The following ITIH2 variants were observed in gnomAD, a reference collection of about 807,000 sequenced individuals.
ITIH2 encodes the protein inter-alpha-trypsin inhibitor heavy chain 2, also known as inter-alpha-trypsin inhibitor heavy chain H2.
In ITIH2, 103 loss-of-function variants were observed where a neutral mutation model predicts 104.4. The observed-to-expected ratio is 0.99, with a 90% CI of 0.84 to 1.16. The LOEUF is 1.16. Ranked by LOEUF, ITIH2 falls within the 50% of genes most tolerant of loss-of-function variation. The pLI is 0.00. For synonymous variants in ITIH2, 436 were observed against 435.4 expected (o/e 1.00, Z -0.02); for missense variants, 1,108 against 1,162.4 (o/e 0.95, Z 0.68).
Position 7,720,748 on chromosome 10 carries a change from A to G in ITIH2, c.631-108A>G, listed in dbSNP as rs1834894336. 1.1e-5 allele frequency: 7 copies of G among 663,994 alleles called. No homozygotes were observed. In the South Asian group the frequency reaches 1.2e-4, roughly 11 times the overall value. The allele number at this position is 663,994 out of a possible 1,614,324, so 41.1% of individuals were successfully genotyped here. A position where few individuals can be genotyped will look rare whatever the true frequency, so the allele number is the denominator to read the frequency against. Reference sequence around the variant, plus strand: ...GAGATCGTGGAGTCGTGCCCGGGAAACCTGCGGAGGAGAAAAGCATCAGAG... The same window carrying G: ...GAGATCGTGGAGTCGTGCCCGGGAAGCCTGCGGAGGAGAAAAGCATCAGAG... On this transcript the variant is annotated intron_variant, in intron 6 of 20. Transcript: ENST00000358415.
intron 15 of ITIH2, among the ~76,000 whole-genome samples, chr10:7,737,666 T>TCTATATA (rs1365806735): frequency 1.5e-4 from 3 of 19,370 alleles, no homozygotes; most frequent in African/African-American, 5.7e-4. Flanking sequence ...TATTCTATAT[T>TCTATATA]ATATTCTATA....
In ITIH2 at chr10:7,733,018, C is replaced by T. The variant is rs559706614; in HGVS notation, c.1787+541C>T. On this transcript the variant is annotated intron_variant, in intron 14 of 20. Transcript: ENST00000358415. ...CTGGGATTACAGGCATGAGCCACCG[C>T]ACCCGGCCAAAATGCATTAATTTTA... Among the ~76,000 whole-genome samples, 4 of 152,268 alleles carry T rather than the reference C, an allele frequency of 2.6e-5. No homozygotes were observed. The South Asian group carries it at 8.3e-4, about 32-fold the overall frequency.
intron 14 of ITIH2, among the ~76,000 whole-genome samples, chr10:7,734,212 C>T (rs140767546): frequency 4.4e-4 from 67 of 152,224 alleles, no homozygotes; most frequent in African/African-American, 1.5e-3. Flanking sequence ...GTGGACTCTG[C>T]GTGATAATGA....
In ITIH2 at chr10:7,744,145, A is replaced by G. The variant is rs760259463; in HGVS notation, c.2273A>G (p.Tyr758Cys). Residue 758 changes from tyrosine (Y) to cysteine (C), a missense_variant, in exon 18 of 21, where the codon TAT becomes TGT. Coordinates refer to ENST00000358415, the MANE Select transcript of ITIH2 (RefSeq NM_002216.3). ...KKPNNGKLST[Y>C]FGKLGFYFQS... ...CCCAACAATGGAAAACTAAGCACCTATTTTGGAAAACTGGGATTTTATTTC... is the reference window on the plus strand; with the variant it reads ...CCCAACAATGGAAAACTAAGCACCTGTTTTGGAAAACTGGGATTTTATTTC... 2.5e-6 allele frequency: 4 copies of G among 1,614,036 alleles called. No individual in the cohort carries two copies. The African/African-American group carries it at 4.0e-5, about 16-fold the overall frequency.
At chr10:7,703,764 C>T (rs1038919092) in intron 1 of ITIH2, among the ~76,000 whole-genome samples, 4 of 152,184 alleles carry the variant, frequency 2.6e-5, no homozygotes, top group Non-Finnish European at 5.9e-5. Flanking sequence ...ATTTATGGAG[C>T]AGAGCTGCTC....
rs1835041656 is a variant in ITIH2 at position 7,735,092 on chromosome 10, G to A, written c.1957+1G>A. ...CCGCAGGATCCCTCCTGCTGCTCAG[G>A]TCAGGGCTGCACCTGTGGGGACAAG... On this transcript the variant is annotated splice_donor_variant, in intron 15 of 20. Transcript: ENST00000358415. LOFTEE classifies it high-confidence loss of function. The A allele has an allele frequency of 6.2e-7, 1 of 1,603,500 alleles. No homozygotes were observed. The highest frequency in any genetic ancestry group is 2.2e-5 in the East Asian group (1 of 44,796).
At chr10:7,722,544 T>C (rs1834914310) in intron 8 of ITIH2, among the ~76,000 whole-genome samples, 1 of 152,196 alleles carries the variant, frequency 6.6e-6, no homozygotes, top group African/African-American at 2.4e-5. Context: ...ACTAGTTCCC[T>C]GAATTCTTGG....
chr10:7,709,268 A>T (rs1834774749), intron 4 of ITIH2, 77 bp downstream of exon 4: 3 of 1,351,738 alleles, frequency 2.2e-6, no homozygotes, highest in African/African-American at 2.9e-5. Flanking sequence ...GTTAGAATGG[A>T]CTTTAGTGGT....
intron 20 of ITIH2, among the ~76,000 whole-genome samples, chr10:7,748,836 A>G (rs1045943147): frequency 1.3e-5 from 2 of 151,990 alleles, no homozygotes; most frequent in Admixed American, 6.6e-5. Flanking sequence ...GTGAGCCACC[A>G]TGCCTGGCTG....
intron 4 of ITIH2, among the ~76,000 whole-genome samples, 197 bp downstream of exon 4, chr10:7,709,388 T>C (rs1319794889): frequency 6.6e-6 from 1 of 152,216 alleles, no homozygotes; most frequent in East Asian, 1.9e-4. Flanking sequence ...TTTTTGTTTC[T>C]AATAAGCTAA....
chr10:7,729,030 C>A (rs1354070312), intron 11 of ITIH2, among the ~76,000 whole-genome samples: 2 of 152,082 alleles, frequency 1.3e-5, no homozygotes, highest in Admixed American at 6.6e-5. Context: ...AAATATTAAA[C>A]TTGCCAGGCA....
intron 17 of ITIH2, 152 bp downstream of exon 17, chr10:7,743,411 A>G (rs757098209): frequency 7.5e-6 from 4 of 534,082 alleles, no homozygotes; most frequent in Non-Finnish European, 1.3e-5. Flanking sequence ...ATTCTTAACT[A>G]TTTTGAACCA....
In ITIH2 at chr10:7,717,757, T is replaced by G. The variant is rs763005752; in HGVS notation, c.599T>G (p.Leu200Arg). The change falls in exon 6 of 21, where the codon CTG becomes CGG. Residue 200 changes from leucine (L) to arginine (R), a missense_variant. Physicochemically the swap from Leu to Arg is moderately radical, Grantham distance 102 (BLOSUM62 -2). Coordinates refer to ENST00000358415, the MANE Select transcript of ITIH2 (RefSeq NM_002216.3). Reference sequence around the variant, plus strand: ...GGCTCCTATGAGCACAGGATCTATCTGCAACCTGGACGGCTGGCCAAACAC... The same window carrying G: ...GGCTCCTATGAGCACAGGATCTATCGGCAACCTGGACGGCTGGCCAAACAC... ...KLGSYEHRIY[L>R]QPGRLAKHLE... 6 of 1,611,788 alleles carry G rather than the reference T, an allele frequency of 3.7e-6. No homozygotes were observed. The South Asian group carries it at 6.6e-5, about 18-fold the overall frequency.
chr10:7,718,330 T>A (rs1263911692), intron 6 of ITIH2, among the ~76,000 whole-genome samples: 3 of 152,126 alleles, frequency 2.0e-5, no homozygotes, highest in Non-Finnish European at 4.4e-5. Flanking sequence ...TGATCTCAAC[T>A]CAAGATCCTT....
intron 16 of ITIH2, among the ~76,000 whole-genome samples, chr10:7,739,541 A>G (rs1471754945): frequency 6.6e-6 from 1 of 152,124 alleles, no homozygotes; most frequent in Non-Finnish European, 1.5e-5. Context: ...TGCCTAGCAC[A>G]TACCAAATAC....
At chr10:7,706,848 G>T (rs1266830032) in intron 2 of ITIH2, among the ~76,000 whole-genome samples, 1 of 152,124 alleles carries the variant, frequency 6.6e-6, no homozygotes, top group Non-Finnish European at 1.5e-5. Flanking sequence ...CCGAATGGAG[G>T]ATCAAAGTCT....
At chr10:7,747,651 C>T (rs1432942319) in intron 20 of ITIH2, among the ~76,000 whole-genome samples, 2 of 152,086 alleles carry the variant, frequency 1.3e-5, no homozygotes, top group Non-Finnish European at 2.9e-5. Flanking sequence ...CTTTGAGAGG[C>T]CAATGTGGGA....
chr10:7,718,136 G>A (rs935140321), intron 6 of ITIH2, among the ~76,000 whole-genome samples: 8 of 152,130 alleles, frequency 5.3e-5, no homozygotes, highest in Non-Finnish European at 8.8e-5. Context: ...GGGAGAGCCC[G>A]TTCCTTGCTT....
At chr10:7,748,926 T>C (rs1392043506) in intron 20 of ITIH2, among the ~76,000 whole-genome samples, 1 of 152,086 alleles carries the variant, frequency 6.6e-6, no homozygotes, top group Non-Finnish European at 1.5e-5. Flanking sequence ...CATTGGCTAC[T>C]GTTTCCCTCG....
Sources: allele counts gnomAD v4.1 joint callset (sites outside exome capture counted in the v4.1 genomes callset), GRCh38; gene constraint gnomAD v4.1.1; transcripts MANE v1.5; gene names NCBI Gene and HGNC (gene_info 2026-07-23, HGNC 2026-07-21).